Variants in CTBP2 observed in about 807,000 individuals in gnomAD.
CTBP2 encodes the protein C-terminal binding protein 2.
A neutral mutation model predicts 80.3 loss-of-function variants in CTBP2; 30 were observed. The ratio of observed to expected loss-of-function variants is 0.37; its 90% CI spans 0.28 to 0.51. The LOEUF is 0.51. CTBP2 is among the 20% of genes least tolerant of loss of function. The probability of loss-of-function intolerance (pLI) is 0.93; values close to 1 mark genes in which losing one functional copy is unlikely to be tolerated. For missense variants in CTBP2, 1,212 were observed against 1,375.3 expected (o/e 0.88, Z 1.88); for synonymous variants, 594 against 587.4 (o/e 1.01, Z -0.16).
At chr10:125,055,776 C>G (rs1015171241) in intron 2 of CTBP2, among the ~76,000 whole-genome samples, 5 of 152,174 alleles carry the variant, frequency 3.3e-5, no homozygotes, top group Non-Finnish European at 7.3e-5. Flanking sequence ...GACACATACC[C>G]AACTGTTGGC....
intron 1 of CTBP2, among the ~76,000 whole-genome samples, chr10:125,141,784 TACACAGCAAGC>T (rs1857869167): frequency 2.6e-5 from 4 of 151,386 alleles, no homozygotes; most frequent in East Asian, 1.9e-4. Flanking sequence ...ACACAGTAAA[TACACAGCAAGC>T]ACACAGCAAG....
intron 2 of CTBP2, among the ~76,000 whole-genome samples, chr10:125,102,844 C>T (rs1850844288): frequency 6.6e-6 from 1 of 152,232 alleles, no homozygotes; most frequent in African/African-American, 2.4e-5. Context: ...CCCAGGCCTA[C>T]AGGACTTGCA....
At chr10:125,146,268 C>T (rs1184497032) in intron 1 of CTBP2, among the ~76,000 whole-genome samples, 4 of 146,784 alleles carry the variant, frequency 2.7e-5, no homozygotes, top group Admixed American at 7.0e-5. Flanking sequence ...CCACCATGCC[C>T]GGCCCTAAGT....
chr10:125,062,536 G>T (rs1564829845), intron 2 of CTBP2, among the ~76,000 whole-genome samples: 1 of 152,008 alleles, frequency 6.6e-6, no homozygotes, highest in Non-Finnish European at 1.5e-5. Flanking sequence ...CGAGGGGTTA[G>T]AGTTAGGGTT....
At chr10:125,077,476 G>A (rs2135520483) in intron 2 of CTBP2, among the ~76,000 whole-genome samples, 1 of 152,220 alleles carries the variant, frequency 6.6e-6, no homozygotes, top group Middle Eastern at 3.4e-3. Context: ...ACCCCCATCT[G>A]GCTCCAAACT....
chr10:125,111,696 A>T (rs771659892), intron 1 of CTBP2, among the ~76,000 whole-genome samples: 21 of 152,366 alleles, frequency 1.4e-4, no homozygotes, highest in Admixed American at 4.6e-4. Context: ...GTGATGCATT[A>T]AACAGAACTC....
intron 2 of CTBP2, among the ~76,000 whole-genome samples, chr10:125,053,781 G>T (rs1162755732): frequency 6.6e-6 from 1 of 152,154 alleles, no homozygotes; most frequent in Non-Finnish European, 1.5e-5. Context: ...AGGGAAATGG[G>T]AACTTCACTT....
At chr10:125,155,901 A>G (rs1860832466) in intron 1 of CTBP2, among the ~76,000 whole-genome samples, 1 of 152,218 alleles carries the variant, frequency 6.6e-6, no homozygotes, top group Admixed American at 6.5e-5. Context: ...CACAGTCTCT[A>G]AAAGTGTATC....
intron 2 of CTBP2, among the ~76,000 whole-genome samples, chr10:125,099,491 A>G (rs1208786642): frequency 6.6e-6 from 1 of 151,996 alleles, no homozygotes; most frequent in African/African-American, 2.4e-5. Context: ...CCCCAAGTTC[A>G]CTGAAAGATA....
At chr10:125,082,869 G>C (rs1469114813) in intron 2 of CTBP2, among the ~76,000 whole-genome samples, 5 of 152,198 alleles carry the variant, frequency 3.3e-5, no homozygotes, top group Non-Finnish European at 7.3e-5. Flanking sequence ...GATTATAGGC[G>C]TGAGCCCCTG....
intron 1 of CTBP2, among the ~76,000 whole-genome samples, chr10:125,145,438 AACC>A (rs1219804032): frequency 6.6e-6 from 1 of 152,126 alleles, no homozygotes; most frequent in East Asian, 1.9e-4. Flanking sequence ...CACTCGTGAA[AACC>A]ACCAAGCCCA....
chr10:125,153,471 C>G (rs138556407), intron 1 of CTBP2, among the ~76,000 whole-genome samples: 1 of 152,246 alleles, frequency 6.6e-6, no homozygotes, highest in Admixed American at 6.5e-5. Context: ...AATAAACTCA[C>G]AGCTAGAGCT....
chr10:125,016,002 G>C (rs1956439722), intron 1 of CTBP2, among the ~76,000 whole-genome samples: 1 of 151,144 alleles, frequency 6.6e-6, no homozygotes, highest in Non-Finnish European at 1.5e-5. Context: ...GTGAAAGTTT[G>C]AGAACGCCTA....
chr10:125,095,300 A>C (rs1037447120), intron 2 of CTBP2, among the ~76,000 whole-genome samples: 1 of 152,210 alleles, frequency 6.6e-6, no homozygotes, highest in Admixed American at 6.5e-5. Context: ...TCAATGCCTA[A>C]GGCTCTGAAT....
intron 3 of CTBP2, among the ~76,000 whole-genome samples, chr10:125,038,443 C>T (rs996805095): frequency 5.3e-5 from 8 of 152,170 alleles, no homozygotes; most frequent in African/African-American, 1.7e-4. Flanking sequence ...GCTGGAAGAG[C>T]GCAGTGCTTA....
chr10:125,007,598 G>A (rs1955408016), intron 1 of CTBP2, among the ~76,000 whole-genome samples: 2 of 152,184 alleles, frequency 1.3e-5, no homozygotes, highest in South Asian at 2.1e-4. Context: ...CTGCTTTCTC[G>A]GATACAGGCA....
rs550194059 is a variant in CTBP2 at position 125,069,102 on chromosome 10, A to AG, written c.-101-29948dup. On this transcript the variant is annotated intron_variant, in intron 2 of 10. Coordinates refer to the CTBP2 transcript ENST00000337195. Reference sequence around the variant, plus strand: ...AACAGTCTCGGGGCTGGCCTCTTCCAGGGGCCTTTCTCAGGACCAAGGGTT... The same window carrying AG: ...AACAGTCTCGGGGCTGGCCTCTTCCAGGGGGCCTTTCTCAGGACCAAGGGTT... Among the ~76,000 whole-genome samples the AG allele has an allele frequency of 1.4e-3, 211 of 152,238 alleles. 3 individuals carry two copies. In the South Asian group the frequency reaches 0.021, roughly 15 times the overall value.
intron 2 of CTBP2, among the ~76,000 whole-genome samples, chr10:125,105,325 A>T (rs560352898): frequency 0.01 from 1,535 of 152,198 alleles, 23 homozygotes; most frequent in African/African-American, 0.035. Flanking sequence ...TTTTAAAAAA[A>T]TTTTTTTATA....
At chr10:125,057,334 A>T (rs938065688) in intron 2 of CTBP2, among the ~76,000 whole-genome samples, 1 of 152,202 alleles carries the variant, frequency 6.6e-6, no homozygotes, top group Non-Finnish European at 1.5e-5. Context: ...CGAAAGAGAG[A>T]CACACACATG....
Sources: gnomAD v4.1 joint callset for allele counts (sites outside exome capture counted in the v4.1 genomes callset) on GRCh38, gnomAD v4.1.1 for gene constraint, MANE v1.5 for transcripts, NCBI Gene and HGNC (gene_info 2026-07-23, HGNC 2026-07-21) for gene names.